The following PHTF2 variants were observed in gnomAD, a reference collection of about 807,000 sequenced individuals.
The protein encoded by PHTF2 is putative homeodomain transcription factor 2.
In PHTF2, 60 loss-of-function variants were observed where a neutral mutation model predicts 101.2. The ratio of observed to expected loss-of-function variants is 0.59; its 90% CI spans 0.48 to 0.73. The LOEUF is 0.73. PHTF2 is among the 30% of genes least tolerant of loss of function. The pLI is 0.00. For synonymous variants in PHTF2, 311 were observed against 307.3 expected (o/e 1.01, Z -0.13); for missense variants, 747 against 908.7 (o/e 0.82, Z 2.29).
Position 77,859,201 on chromosome 7 carries a change from G to T in PHTF2, c.147+4367G>T, listed in dbSNP as rs1306443467. On this transcript the variant is annotated intron_variant, in intron 3 of 19. Transcript: ENST00000416283. ...CATCTAAGTTAAGATCTTATCTTGA[G>T]ATCCTTAACTAATTACATCTGCAAA... is the stretch of plus-strand genomic sequence containing the variant. Among the ~76,000 whole-genome samples the T allele has an allele frequency of 3.9e-5, 6 of 152,276 alleles. No homozygotes were observed. The East Asian group carries it at 1.2e-3, about 29-fold the overall frequency.
intron 3 of PHTF2, among the ~76,000 whole-genome samples, chr7:77,865,247 A>G (rs1306515202): frequency 6.6e-6 from 1 of 151,358 alleles, no homozygotes. Context: ...TTTTTTTTAG[A>G]CAGAGTCTCG....
At position 77,856,595 on chromosome 7, in the gene PHTF2, C is replaced by T. The variant is rs552851317; in HGVS notation, c.147+1761C>T. Among the ~76,000 whole-genome samples, 151 of 152,106 alleles carry T rather than the reference C, an allele frequency of 9.9e-4. 1 individual carries two copies. Among genetic ancestry groups the T allele is most frequent in the South Asian group, 6.0e-3 (29 of 4,820 alleles). ...GGTCTTGAACTCCTAGGCTCGAAGT[C>T]CTGGGATTACAGGTGTGAGCTACCA... On this transcript the variant is annotated intron_variant, in intron 3 of 19. Transcript: ENST00000416283.
chr7:77,910,830 A>G (rs918556448), intron 9 of PHTF2, among the ~76,000 whole-genome samples: 1 of 152,044 alleles, frequency 6.6e-6, no homozygotes, highest in Non-Finnish European at 1.5e-5. Flanking sequence ...TTTAGTAGAG[A>G]TGGGGTTTTA....
At chr7:77,937,740 C>A in exon 13 of PHTF2, 2 of 1,465,178 alleles carry the variant, frequency 1.4e-6, no homozygotes, top group Non-Finnish European at 1.8e-6. Context: ...TAGTTCCCAC[C>A]CAGGATTAGA....
chr7:77,911,770 A>G (rs1043483835), intron 9 of PHTF2, among the ~76,000 whole-genome samples: 1 of 152,210 alleles, frequency 6.6e-6, no homozygotes, highest in Non-Finnish European at 1.5e-5. Flanking sequence ...CCAATCACCT[A>G]TTCTTCCTCC....
intron 3 of PHTF2, among the ~76,000 whole-genome samples, chr7:77,893,290 T>C (rs1171184454): frequency 1.3e-5 from 2 of 152,220 alleles, no homozygotes; most frequent in East Asian, 1.9e-4. Context: ...TAGTGTCTGT[T>C]GTTCTCCTCT....
exon 12 of PHTF2, chr7:77,929,262 G>C: frequency 6.2e-7 from 1 of 1,611,632 alleles, no homozygotes; most frequent in Non-Finnish European, 8.5e-7. Flanking sequence ...CAGTGAGACA[G>C]ATGTGGAAAA....
At chr7:77,951,919 G>A (rs968869654) in intron 18 of PHTF2, among the ~76,000 whole-genome samples, 2 of 151,972 alleles carry the variant, frequency 1.3e-5, no homozygotes, top group African/African-American at 4.8e-5. Context: ...TTTGGAAATT[G>A]TATATTAATA....
At chr7:77,922,967 T>C in intron 11 of PHTF2, 189 bp downstream of exon 10, 1 of 1,300,794 alleles carries the variant, frequency 7.7e-7, no homozygotes, top group Non-Finnish European at 9.8e-7. Context: ...TATTGATAGA[T>C]AGCCACACAT....
chr7:77,807,193 A>G (rs1461422319), intron 1 of PHTF2, among the ~76,000 whole-genome samples: 2 of 152,202 alleles, frequency 1.3e-5, no homozygotes, highest in South Asian at 2.1e-4. Flanking sequence ...TGCTATGAAT[A>G]TGAGTGTGTA....
chr7:77,928,260 A>G (rs981597220), intron 11 of PHTF2, among the ~76,000 whole-genome samples: 3 of 152,160 alleles, frequency 2.0e-5, no homozygotes, highest in Non-Finnish European at 4.4e-5. Context: ...AAGTTTTTTA[A>G]TTAATTTAAA....
intron 5 of PHTF2, chr7:77,895,954 C>G (rs946858544): frequency 6.6e-6 from 1 of 152,102 alleles, no homozygotes; most frequent in Non-Finnish European, 1.5e-5. Flanking sequence ...TTGTTTCACT[C>G]TTTCCTTCTT....
exon 18 of PHTF2, chr7:77,951,625 C>G: frequency 1.5e-6 from 2 of 1,353,872 alleles, no homozygotes; most frequent in Non-Finnish European, 1.0e-6. Flanking sequence ...AGATAAACCT[C>G]TACTTGAAAA....
intron 16 of PHTF2, among the ~76,000 whole-genome samples, chr7:77,946,743 G>A (rs1030713583): frequency 8.5e-5 from 13 of 152,122 alleles, no homozygotes; most frequent in African/African-American, 2.4e-4. Flanking sequence ...GCTATGGGGC[G>A]AGACAGACAG....
intron 1 of PHTF2, among the ~76,000 whole-genome samples, chr7:77,811,719 T>C (rs1418926283): frequency 6.6e-6 from 1 of 152,222 alleles, no homozygotes; most frequent in African/African-American, 2.4e-5. Flanking sequence ...TGGTACTATC[T>C]CTGTGCCAGC....
At chr7:77,833,320 A>T (rs933716306) in intron 1 of PHTF2, among the ~76,000 whole-genome samples, 5 of 152,234 alleles carry the variant, frequency 3.3e-5, no homozygotes, top group Admixed American at 2.0e-4. Context: ...GATGAGCAAT[A>T]ATGTTGGACA....
intron 2 of PHTF2, among the ~76,000 whole-genome samples, chr7:77,851,381 A>G: frequency 6.6e-6 from 1 of 152,082 alleles, no homozygotes; most frequent in East Asian, 1.9e-4. Flanking sequence ...AGGTTTTCCA[A>G]TTTATTGGCA....
At chr7:77,874,019 T>C (rs1056693037) in intron 3 of PHTF2, among the ~76,000 whole-genome samples, 5 of 152,188 alleles carry the variant, frequency 3.3e-5, no homozygotes, top group Admixed American at 6.5e-5. Context: ...GAGTTCATAA[T>C]TTTCTTTCAT....
intron 8 of PHTF2, chr7:77,910,024 C>A (rs535151227): frequency 6.3e-5 from 25 of 395,892 alleles, no homozygotes; most frequent in African/African-American, 4.7e-4. Context: ...TGTCCACTGA[C>A]CTGCCACTAT....
Sources: allele counts gnomAD v4.1 joint callset (sites outside exome capture counted in the v4.1 genomes callset), GRCh38; gene constraint gnomAD v4.1.1; transcripts MANE v1.5; gene names NCBI Gene and HGNC (gene_info 2026-07-23, HGNC 2026-07-21).